The following PPP1R21 variants were observed in gnomAD, a reference collection of about 807,000 sequenced individuals.
The protein encoded by PPP1R21 is KLRAQ motif containing 1.
In PPP1R21, 85 loss-of-function variants were observed where a neutral mutation model predicts 112.8. The observed-to-expected ratio is 0.75, with a 90% CI of 0.63 to 0.90. PPP1R21 has a LOEUF of 0.90. PPP1R21 is among the 40% of genes least tolerant of loss of function. The pLI is 0.00. For synonymous variants in PPP1R21, 381 were observed against 322.3 expected (o/e 1.18, Z -1.95); for missense variants, 1,199 against 901.5 (o/e 1.33, Z -4.23).
chr2:48,496,533 T>C (rs180735482), intron 16 of PPP1R21, among the ~76,000 whole-genome samples: 1 of 151,634 alleles, frequency 6.6e-6, no homozygotes, highest in Admixed American at 6.6e-5. Context: ...AGTGTTGTGA[T>C]CTCAGCTTGC....
At chr2:48,483,933 C>A (rs1669153571) in intron 13 of PPP1R21, among the ~76,000 whole-genome samples, 1 of 152,118 alleles carries the variant, frequency 6.6e-6, no homozygotes, top group Non-Finnish European at 1.5e-5. Flanking sequence ...AGTGATCCTT[C>A]TGCTTCGGTC....
intron 21 of PPP1R21, among the ~76,000 whole-genome samples, chr2:48,512,811 G>T (rs1303892422): frequency 1.3e-5 from 2 of 149,052 alleles, no homozygotes; most frequent in African/African-American, 4.9e-5. Context: ...GAGCTTGGGG[G>T]TAAGGGAGTT....
chr2:48,485,823 T>G (rs62138865), intron 13 of PPP1R21, among the ~76,000 whole-genome samples: 17,578 of 149,604 alleles, frequency 0.12, 1,141 homozygotes, highest in South Asian at 0.19. Context: ...CTATAAAAAT[T>G]TTCATGTTTT....
intron 12 of PPP1R21, among the ~76,000 whole-genome samples, chr2:48,477,344 C>T (rs1668804846): frequency 6.6e-6 from 1 of 152,038 alleles, no homozygotes; most frequent in Non-Finnish European, 1.5e-5. Flanking sequence ...TGGTCTCGAA[C>T]TCCTAGCCTC....
intron 2 of PPP1R21, among the ~76,000 whole-genome samples, chr2:48,452,918 T>G (rs972436627): frequency 6.6e-6 from 1 of 151,854 alleles, no homozygotes; most frequent in Admixed American, 6.6e-5. Context: ...GTCAGTAGAG[T>G]GTAGACACTA....
intron 19 of PPP1R21, among the ~76,000 whole-genome samples, chr2:48,508,951 C>G (rs1272221237): frequency 6.6e-6 from 1 of 152,190 alleles, no homozygotes; most frequent in African/African-American, 2.4e-5. Flanking sequence ...GTGACCTCCC[C>G]CCTCCCACAT....
chr2:48,454,341 C>G (rs1667616461), intron 2 of PPP1R21, among the ~76,000 whole-genome samples: 1 of 152,100 alleles, frequency 6.6e-6, no homozygotes, highest in Non-Finnish European at 1.5e-5. Flanking sequence ...TGTTCACTGT[C>G]ATAGGATGTT....
At chr2:48,475,695 A>G (rs1668721498) in intron 12 of PPP1R21, among the ~76,000 whole-genome samples, 1 of 152,028 alleles carries the variant, frequency 6.6e-6, no homozygotes, top group Non-Finnish European at 1.5e-5. Context: ...TAAAAATACA[A>G]AATCAGCTGG....
rs937612422 is a variant in PPP1R21, at chr2:48,515,189, G to A, written c.*445G>A. ...TTATTATAGTTGAAGGCATTCTCCAGATTCTTTTTAAAAGATTTGTTCATA... is the reference window on the plus strand; with the variant it reads ...TTATTATAGTTGAAGGCATTCTCCAAATTCTTTTTAAAAGATTTGTTCATA... On this transcript the variant is annotated 3_prime_UTR_variant, in exon 22 of 22. Transcript: ENST00000294952. 2 of 142,318 alleles carry A rather than the reference G, an allele frequency of 1.4e-5. No individual in the cohort carries two copies. The highest frequency in any genetic ancestry group is 5.4e-5 in the African/African-American group (2 of 37,222). 8.8% of individuals were successfully genotyped at this position (142,318 alleles called of 1,614,324 possible). A position where few individuals can be genotyped will look rare whatever the true frequency, so the allele number is the denominator to read the frequency against.
chr2:48,461,011 C>T (rs1264045207), intron 6 of PPP1R21, 127 bp from the exon 7 acceptor site: 3 of 1,415,160 alleles, frequency 2.1e-6, no homozygotes, highest in East Asian at 2.9e-5. Flanking sequence ...AACTCTCTGC[C>T]AAGAGTATCC....
Position 48,471,181 on chromosome 2 carries a change from C to A in PPP1R21, c.992C>A (p.Thr331Asn). 1.2e-6 allele frequency: 2 copies of A among 1,610,132 alleles called. No homozygotes were observed. The highest frequency in any genetic ancestry group is 1.7e-6 in the Non-Finnish European group (2 of 1,176,514). The change falls in exon 10 of 22, where the codon ACT (threonine) becomes AAT (asparagine). Residue 331 changes from threonine to asparagine, a missense_variant. Thr to Asn is a moderately conservative substitution (Grantham distance 65). Coordinates refer to ENST00000294952, the MANE Select transcript of PPP1R21 (RefSeq NM_001135629.3). ...GAAAGTATCACTGAGGATACTGTGA[C>A]TGTCTTGGTAATTTTCTTCCTTGTT... Reference protein sequence around the residue: ...LFESITEDTVTVLETTVKLKT... With the variant: ...LFESITEDTVNVLETTVKLKT...
Position 48,514,732 on chromosome 2 carries a change from C to A in PPP1R21, c.2331C>A (p.Asn777Lys), listed in dbSNP as rs1202740911. 2 of 1,610,510 alleles carry A rather than the reference C, an allele frequency of 1.2e-6. No homozygotes were observed. The highest frequency in any genetic ancestry group is 1.7e-6 in the Non-Finnish European group (2 of 1,178,010). ...TTGCACAGGGGAATTCTAAAAAGAA[C>A]AAGAGTCGATAGTTTTGAAATAGCT... ...KMSSKGNSKKNKSR is the reference protein window; with the variant it reads ...KMSSKGNSKKKKSR Residue 777 changes from asparagine to lysine, a missense_variant, in exon 22 of 22, where the codon AAC becomes AAA. Transcript: ENST00000294952.
chr2:48,497,965 G>T (rs1265868459), intron 16 of PPP1R21, among the ~76,000 whole-genome samples: 1 of 152,040 alleles, frequency 6.6e-6, no homozygotes, highest in African/African-American at 2.4e-5. Flanking sequence ...CCAACCTATA[G>T]TTCTAATTGT....
Position 48,486,618 on chromosome 2 carries a change from A to G in PPP1R21, c.1319-13A>G, listed in dbSNP as rs1424915250. 1 of 1,594,108 alleles carries G rather than the reference A, an allele frequency of 6.3e-7. No homozygotes were observed. The highest frequency in any genetic ancestry group is 8.6e-7 in the Non-Finnish European group (1 of 1,162,868). On this transcript the variant is annotated splice_polypyrimidine_tract_variant and intron_variant, in intron 13 of 21. Transcript: ENST00000294952. Reference sequence around the variant, plus strand: ...ATAGATAATAATGAATTTTCATGTAATTGCTTTTATAGATATTTCCAAACA... The same window carrying G: ...ATAGATAATAATGAATTTTCATGTAGTTGCTTTTATAGATATTTCCAAACA...
intron 3 of PPP1R21, among the ~76,000 whole-genome samples, chr2:48,455,358 G>A (rs112552664): frequency 1.1e-3 from 163 of 151,556 alleles, no homozygotes; most frequent in African/African-American, 3.7e-3. Flanking sequence ...GGTCAGGCTG[G>A]TCTCGAACTC....
At chr2:48,463,885 G>C (rs765837617) in intron 7 of PPP1R21, among the ~76,000 whole-genome samples, 1 of 151,956 alleles carries the variant, frequency 6.6e-6, no homozygotes, top group Non-Finnish European at 1.5e-5. Context: ...GGTGGAGTAG[G>C]GAGAGGCCAT....
rs70943345 is a variant in PPP1R21, at chr2:48,494,239, CAAAAAAAAAAAAAAAAAA to C, written c.1600-1418_1600-1401del. Reference sequence around the variant, plus strand: ...AGGGCGACAAAGTGAGACCTTGTCTCAAAAAAAAAAAAAAAAAAAAAAAAAAAAAAAAAAAAAAAGTCA... The same window carrying C: ...AGGGCGACAAAGTGAGACCTTGTCTCAAAAAAAAAAAAAAAAAAAAAGTCA... On this transcript the variant is annotated intron_variant, in intron 15 of 21. Coordinates refer to ENST00000294952, the MANE Select transcript of PPP1R21 (RefSeq NM_001135629.3). Among the ~76,000 whole-genome samples the C allele has an allele frequency of 5.0e-3, 210 of 42,242 alleles. 5 individuals carry two copies. The highest frequency in any genetic ancestry group is 6.4e-3 in the Non-Finnish European group (178 of 27,780). 27.7% of individuals were successfully genotyped at this position (42,242 alleles called of 152,430 possible).
At chr2:48,512,552 G>C (rs928178374) in intron 21 of PPP1R21, among the ~76,000 whole-genome samples, 1 of 152,064 alleles carries the variant, frequency 6.6e-6, no homozygotes, top group Non-Finnish European at 1.5e-5. Flanking sequence ...CTTTATTTTA[G>C]CATCTGCTGT....
Position 48,498,591 on chromosome 2 carries a change from C to G in PPP1R21, c.1791C>G (p.Asn597Lys). 1.2e-6 allele frequency: 2 copies of G among 1,614,212 alleles called. No homozygotes were observed. ...QLAKIKLEKE[N>K]QRIADKLKNT... ...CCAAAATCAAGCTAGAGAAAGAAAA[C>G]CAGCGAATTGCAGATAAGCTGAAGA... Residue 597 changes from asparagine to lysine, a missense_variant, in exon 17 of 22, where the codon AAC (asparagine) becomes AAG (lysine). Coordinates refer to ENST00000294952, the MANE Select transcript of PPP1R21 (RefSeq NM_001135629.3).
Sources: allele counts gnomAD v4.1 joint callset (sites outside exome capture counted in the v4.1 genomes callset), GRCh38; gene constraint gnomAD v4.1.1; transcripts MANE v1.5; gene names NCBI Gene and HGNC (gene_info 2026-07-23, HGNC 2026-07-21).